Variants in EPS8 observed in about 807,000 individuals in gnomAD.
The protein encoded by EPS8 is EGFR pathway substrate 8, signaling adaptor, also known as epidermal growth factor receptor kinase substrate 8.
Under a neutral mutation model 103.8 loss-of-function variants are expected in EPS8, and 42 were observed. The observed-to-expected ratio is 0.40, with a 90% CI of 0.32 to 0.52. EPS8 has a LOEUF of 0.52. Ranked by LOEUF, EPS8 falls within the 20% of genes least tolerant of loss-of-function variation. The pLI is 0.40. For synonymous variants in EPS8, 344 were observed against 344.6 expected (o/e 1.00, Z 0.02); for missense variants, 969 against 1,005.1 (o/e 0.96, Z 0.49).
At position 15,752,519 on chromosome 12, in the gene EPS8, C is replaced by T. The variant is rs906136070; in HGVS notation, c.-22+36642G>A. ...GCTGGCCCCTCTAGCCTAAGTTGAG[C>T]CTTTTAGCAGGAGTGAAATATTCCC... On this transcript the variant is annotated intron_variant, in intron 1 of 20. Coordinates refer to ENST00000281172, the MANE Select transcript of EPS8 (RefSeq NM_004447.6). This position sits in a 1 kb window ranked among gnomAD's most constrained non-coding sequence, Gnocchi z 4.4. Among the ~76,000 whole-genome samples, 4 of 151,894 alleles carry T rather than the reference C, an allele frequency of 2.6e-5. No homozygotes were observed. The highest frequency in any genetic ancestry group is 5.9e-5 in the Non-Finnish European group (4 of 67,996).
At chr12:15,650,751 G>A in intron 14 of EPS8, 72 bp downstream of exon 14, 10 of 1,240,762 alleles carry the variant, frequency 8.1e-6, no homozygotes, top group Non-Finnish European at 5.7e-6. Context: ...ATGAGAACTT[G>A]CAATCAGAAT....
intron 6 of EPS8, among the ~76,000 whole-genome samples, chr12:15,667,134 T>C (rs116076422): frequency 0.015 from 2,230 of 152,252 alleles, 55 homozygotes; most frequent in African/African-American, 0.051. Flanking sequence ...GAAGTTTCTG[T>C]TTGGTTGCAA....
intron 15 of EPS8, among the ~76,000 whole-genome samples, chr12:15,645,259 A>C (rs1417072367): frequency 6.6e-6 from 1 of 152,136 alleles, no homozygotes; most frequent in Non-Finnish European, 1.5e-5. Context: ...TAGGAGTAAG[A>C]AAAGCATTTT....
At position 15,650,954 on chromosome 12, in the gene EPS8, T is replaced by C; in HGVS notation, c.1303A>G (p.Asn435Asp). 1 of 1,614,150 alleles carries C rather than the reference T, an allele frequency of 6.2e-7. No individual in the cohort carries two copies. The highest frequency in any genetic ancestry group is 8.5e-7 in the Non-Finnish European group (1 of 1,180,012). The change falls in exon 14 of 21, where the codon AAT (asparagine) becomes GAT (aspartate). Residue 435 changes from asparagine to aspartate, a missense_variant. Asn to Asp is a conservative substitution (Grantham distance 23). Coordinates refer to ENST00000281172, the MANE Select transcript of EPS8 (RefSeq NM_004447.6). ...TTCAGCATTGGGGGCTCCCAGCCAT[T>C]GCGGAATCGTGGAACATATGGTGGA... ...FIPPYVPRFRNGWEPPMLNFM... is the reference protein window; with the variant it reads ...FIPPYVPRFRDGWEPPMLNFM...
rs1393507444 is a variant in EPS8 at position 15,766,259 on chromosome 12, C to A, written c.-22+22902G>T. Among the ~76,000 whole-genome samples, 3 of 151,254 alleles carry A rather than the reference C, an allele frequency of 2.0e-5. No individual in the cohort carries two copies. The East Asian group carries it at 5.9e-4, about 30-fold the overall frequency. ...CTGGGAGGTCGAGGCGGGTGGATCA[C>A]CTGAGGTCAGGAGTTTCAGACCATC... On this transcript the variant is annotated intron_variant, in intron 1 of 20. Transcript: ENST00000281172.
At chr12:15,712,703 C>T (rs1250079239) in intron 1 of EPS8, 1 of 233,506 alleles carries the variant, frequency 4.3e-6, no homozygotes, top group African/African-American at 2.3e-5. Flanking sequence ...ACTTGGAATA[C>T]TAAATGGGAA....
intron 1 of EPS8, among the ~76,000 whole-genome samples, chr12:15,720,613 C>G (rs188609588): frequency 2.0e-5 from 3 of 152,158 alleles, no homozygotes; most frequent in African/African-American, 7.2e-5. Flanking sequence ...TAAATCTGGT[C>G]GTGTTATTTA....
intron 14 of EPS8, among the ~76,000 whole-genome samples, chr12:15,648,163 C>T (rs1050496897): frequency 3.9e-5 from 6 of 152,180 alleles, no homozygotes; most frequent in African/African-American, 1.4e-4. Flanking sequence ...TACTGGTCCA[C>T]GACCCAGGAA....
intron 1 of EPS8, among the ~76,000 whole-genome samples, chr12:15,744,828 T>C (rs1946859383): frequency 6.6e-6 from 1 of 152,292 alleles, no homozygotes; most frequent in African/African-American, 2.4e-5. Flanking sequence ...TAAAAGTCTT[T>C]TGTGAACTAG....
In EPS8 at chr12:15,762,284, A is replaced by G. The variant is rs564853167; in HGVS notation, c.-22+26877T>C. ...GCTTTTATCCAAAAGACAGACAATA[A>G]CAAATGCCGACAAGGATGTAGAGAA... On this transcript the variant is annotated intron_variant, in intron 1 of 20. Coordinates refer to ENST00000281172, the MANE Select transcript of EPS8 (RefSeq NM_004447.6). This position sits in a 1 kb window ranked among gnomAD's most constrained non-coding sequence, Gnocchi z 4.8. 6.6e-6 allele frequency among the ~76,000 whole-genome samples: 1 copy of G among 152,312 alleles called. No individual in the cohort carries two copies. Among genetic ancestry groups the G allele is most frequent in the South Asian group, 2.1e-4 (1 of 4,824 alleles).
At position 15,767,807 on chromosome 12, in the gene EPS8, G is replaced by A. The variant is rs951117596; in HGVS notation, c.-22+21354C>T. On this transcript the variant is annotated intron_variant, in intron 1 of 20. Transcript: ENST00000281172. This position sits in a 1 kb window ranked among gnomAD's most constrained non-coding sequence, Gnocchi z 5.5. ...TCAGTTTTAAGCTGTCTGGAAATCT[G>A]TTTTCCCAACAGGATTTTGCAAAGC... Among the ~76,000 whole-genome samples the A allele has an allele frequency of 6.6e-6, 1 of 152,144 alleles. No homozygotes were observed. The highest frequency in any genetic ancestry group is 1.5e-5 in the Non-Finnish European group (1 of 68,016).
chr12:15,763,419 G>C (rs76443706), intron 1 of EPS8, among the ~76,000 whole-genome samples: 1 of 152,136 alleles, frequency 6.6e-6, no homozygotes, highest in Non-Finnish European at 1.5e-5. Context: ...ACTAATCAGA[G>C]AACACAGAAA....
intron 14 of EPS8, among the ~76,000 whole-genome samples, chr12:15,650,291 A>G (rs1409916579): frequency 1.3e-5 from 2 of 152,190 alleles, no homozygotes; most frequent in African/African-American, 4.8e-5. Context: ...GAGTTTTAGA[A>G]CTAGGCAAAA....
chr12:15,646,677 AC>A (rs1945324558), intron 15 of EPS8, among the ~76,000 whole-genome samples: 1 of 152,178 alleles, frequency 6.6e-6, no homozygotes, highest in Non-Finnish European at 1.5e-5. Flanking sequence ...TAAAGCATTG[AC>A]CCTGTTTAAA....
chr12:15,753,675 T>C (rs1461065190), intron 1 of EPS8, among the ~76,000 whole-genome samples: 1 of 152,174 alleles, frequency 6.6e-6, no homozygotes, highest in African/African-American at 2.4e-5. Flanking sequence ...GTGATCAAAA[T>C]AATGATATAT....
At chr12:15,623,088 T>C in intron 20 of EPS8, 70 bp downstream of exon 20, 3 of 1,461,846 alleles carry the variant, frequency 2.1e-6, no homozygotes, top group South Asian at 2.8e-5. Flanking sequence ...TTGGCCAATA[T>C]GGACATAAAT....
intron 4 of EPS8, 73 bp downstream of exon 4, chr12:15,670,783 T>C: frequency 9.6e-7 from 1 of 1,042,076 alleles, no homozygotes; most frequent in Non-Finnish European, 1.4e-6. Context: ...TAAAACAGAA[T>C]TCTGATTTAA....
intron 3 of EPS8, among the ~76,000 whole-genome samples, chr12:15,671,444 A>G (rs1052292717): frequency 1.3e-5 from 2 of 152,134 alleles, no homozygotes; most frequent in Non-Finnish European, 2.9e-5. Flanking sequence ...ATTCAATCAC[A>G]TGGCTTGCCA....
At chr12:15,703,352 G>T (rs1464677542) in intron 1 of EPS8, among the ~76,000 whole-genome samples, 1 of 152,044 alleles carries the variant, frequency 6.6e-6, no homozygotes, top group Non-Finnish European at 1.5e-5. Flanking sequence ...ATTACTGTAT[G>T]AACAATGTAC....
Sources: gnomAD v4.1 joint callset for allele counts (sites outside exome capture counted in the v4.1 genomes callset) on GRCh38, gnomAD v4.1.1 for gene constraint, Gnocchi (gnomAD v3.1) non-coding constraint, MANE v1.5 for transcripts, NCBI Gene and HGNC (gene_info 2026-07-23, HGNC 2026-07-21) for gene names.